Variants in TFEC observed in about 807,000 individuals in gnomAD.
The protein encoded by TFEC is transcription factor EC.
TFEC carries 31 observed loss-of-function variants against 41.6 expected under a neutral mutation model. That is an observed-to-expected ratio of 0.74 (90% CI 0.56 to 1.01). The LOEUF is 1.01. TFEC is among the 50% of genes least tolerant of loss of function. The pLI is 0.00. For missense variants in TFEC, 402 were observed against 404.1 expected (o/e 0.99, Z 0.04); for synonymous variants, 143 against 140.6 (o/e 1.02, Z -0.12).
chr7:116,110,723 T>C, exon 3 of TFEC: 1 of 1,521,872 alleles, frequency 6.6e-7, no homozygotes, highest in Non-Finnish European at 8.8e-7. Flanking sequence ...TAAAGGATGG[T>C]AATTGACTTG....
At chr7:115,954,702 A>C (rs1792129954) in intron 4 of TFEC, 60 bp from the exon 5 acceptor site, 1 of 1,314,350 alleles carries the variant, frequency 7.6e-7, no homozygotes, top group Non-Finnish European at 1.1e-6. Context: ...CCCTCCAGGC[A>C]ACATAATTCA....
At chr7:116,056,217 C>T (rs1400932357) in intron 3 of TFEC, among the ~76,000 whole-genome samples, 1 of 151,644 alleles carries the variant, frequency 6.6e-6, no homozygotes, top group South Asian at 2.1e-4. Flanking sequence ...AAGGTAAGCT[C>T]GACAATTTTC....
intron 3 of TFEC, among the ~76,000 whole-genome samples, chr7:116,070,814 A>G (rs1263049855): frequency 6.6e-6 from 1 of 151,394 alleles, no homozygotes; most frequent in Non-Finnish European, 1.5e-5. Context: ...GTTATTGTCC[A>G]TGTTCCTTTT....
At chr7:116,011,483 TG>T (rs1794998891) in intron 1 of TFEC, among the ~76,000 whole-genome samples, 1 of 152,132 alleles carries the variant, frequency 6.6e-6, no homozygotes, top group East Asian at 1.9e-4. Flanking sequence ...AAATTCAAAT[TG>T]ATTGTATGCT....
At chr7:115,994,255 A>G (rs1436536431) in intron 1 of TFEC, among the ~76,000 whole-genome samples, 1 of 152,200 alleles carries the variant, frequency 6.6e-6, no homozygotes, top group Non-Finnish European at 1.5e-5. Flanking sequence ...TAAAAACCCT[A>G]GAAGAAAACC....
At position 116,128,973 on chromosome 7, in the gene TFEC, C is replaced by T. The variant is rs544920629; in HGVS notation, c.-68-16935G>A. ...TATCAGTGCTTTCAGTAAAAGTAAA[C>T]AAATTATTATCATCAACTAAACGAC... is the stretch of plus-strand genomic sequence containing the variant. On this transcript the variant is annotated intron_variant, in intron 1 of 8. Coordinates refer to the TFEC transcript ENST00000484212. Among the ~76,000 whole-genome samples, 3 of 151,634 alleles carry T rather than the reference C, an allele frequency of 2.0e-5. No individual in the cohort carries two copies. In the East Asian group the frequency reaches 5.8e-4, roughly 29 times the overall value.
chr7:116,092,542 T>C (rs1042203944), intron 3 of TFEC, among the ~76,000 whole-genome samples: 7 of 152,214 alleles, frequency 4.6e-5, no homozygotes, highest in African/African-American at 1.7e-4. Context: ...TATGATGACA[T>C]TTTAACACTC....
At chr7:116,016,856 A>T (rs1444883535) in intron 1 of TFEC, among the ~76,000 whole-genome samples, 1 of 152,030 alleles carries the variant, frequency 6.6e-6, no homozygotes, top group Non-Finnish European at 1.5e-5. Flanking sequence ...ATAATCACAA[A>T]CATCTCAATA....
intron 1 of TFEC, among the ~76,000 whole-genome samples, chr7:116,019,119 G>T (rs185601931): frequency 1.3e-4 from 19 of 151,918 alleles, no homozygotes; most frequent in African/African-American, 3.4e-4. Context: ...AGAATGTATA[G>T]AGAGAGAGAG....
At chr7:115,973,389 T>A (rs1454599270) in intron 3 of TFEC, among the ~76,000 whole-genome samples, 4 of 152,016 alleles carry the variant, frequency 2.6e-5, no homozygotes, top group Non-Finnish European at 5.9e-5. Flanking sequence ...TTCACTTTTT[T>A]TAAATTAAAT....
chr7:116,044,144 C>T (rs1161697305), intron 3 of TFEC, among the ~76,000 whole-genome samples: 1 of 152,156 alleles, frequency 6.6e-6, no homozygotes, highest in Non-Finnish European at 1.5e-5. Context: ...AAGTTGTAAA[C>T]TTGGGCCTCT....
chr7:116,052,877 G>A (rs1211514148), intron 3 of TFEC, among the ~76,000 whole-genome samples: 1 of 151,704 alleles, frequency 6.6e-6, no homozygotes, highest in Non-Finnish European at 1.5e-5. Flanking sequence ...AGACCATCCT[G>A]GCTAACACGG....
intron 1 of TFEC, among the ~76,000 whole-genome samples, chr7:116,009,678 C>G (rs190175715): frequency 1.8e-4 from 28 of 152,058 alleles, no homozygotes; most frequent in African/African-American, 6.3e-4. Flanking sequence ...AAAATAGGAA[C>G]AAGTCATTCA....
chr7:116,019,653 C>T (rs1163158085), intron 1 of TFEC, among the ~76,000 whole-genome samples: 1 of 151,908 alleles, frequency 6.6e-6, no homozygotes, highest in Non-Finnish European at 1.5e-5. Context: ...CTACACAGCC[C>T]CAAGATTATG....
At position 116,030,617 on chromosome 7, in the gene TFEC, C is replaced by T. The variant is rs140377908; in HGVS notation, c.-73+16G>A. On this transcript the variant is annotated intron_variant, in intron 1 of 7. Coordinates refer to ENST00000265440, the MANE Select transcript of TFEC (RefSeq NM_012252.4). Reference sequence around the variant, plus strand: ...TTTAAAGTACAGAAAATTAACCTGCCGGTTTAGTTACCTACCAGCAATGAG... The same window carrying T: ...TTTAAAGTACAGAAAATTAACCTGCTGGTTTAGTTACCTACCAGCAATGAG... The T allele has an allele frequency of 2.7e-4, 269 of 985,076 alleles. 5 individuals carry two copies. In the East Asian group the frequency reaches 0.024, roughly 88 times the overall value. 61.0% of individuals were successfully genotyped at this position (985,076 alleles called of 1,614,324 possible). A position where few individuals can be genotyped will look rare whatever the true frequency, so the allele number is the denominator to read the frequency against.
intron 2 of TFEC, among the ~76,000 whole-genome samples, chr7:115,979,272 G>C (rs1403358802): frequency 3.3e-5 from 5 of 152,056 alleles, no homozygotes; most frequent in Non-Finnish European, 2.9e-5. Flanking sequence ...TAGCCTCTCT[G>C]TAATTTGCTG....
intron 7 of TFEC, 180 bp from the exon 8 acceptor site, chr7:115,941,111 A>T: frequency 1.6e-6 from 1 of 636,130 alleles, no homozygotes; most frequent in Non-Finnish European, 2.5e-6. Flanking sequence ...ATGAAAAATA[A>T]CTCTGAGAAA....
intron 1 of TFEC, among the ~76,000 whole-genome samples, chr7:116,123,441 C>A (rs902779820): frequency 6.6e-6 from 1 of 152,056 alleles, no homozygotes; most frequent in Non-Finnish European, 1.5e-5. Context: ...AGTTCCTCAT[C>A]TTTTATGATA....
chr7:116,107,427 T>A (rs1797746268), intron 3 of TFEC, among the ~76,000 whole-genome samples: 1 of 152,188 alleles, frequency 6.6e-6, no homozygotes, highest in African/African-American at 2.4e-5. Flanking sequence ...TGGAGCTGAA[T>A]AACATTAAAT....
Sources: allele counts gnomAD v4.1 joint callset (sites outside exome capture counted in the v4.1 genomes callset), GRCh38; gene constraint gnomAD v4.1.1; transcripts MANE v1.5; gene names NCBI Gene and HGNC (gene_info 2026-07-23, HGNC 2026-07-21).